The following GABRA3 variants were observed in gnomAD, a reference collection of about 807,000 sequenced individuals.
GABRA3 encodes the protein gamma-aminobutyric acid receptor subunit alpha-3.
A neutral mutation model predicts 30.1 loss-of-function variants in GABRA3; 10 were observed. The ratio of observed to expected loss-of-function variants is 0.33; its 90% CI spans 0.20 to 0.56. The LOEUF (loss-of-function observed/expected upper bound fraction) is 0.56. GABRA3 is among the 20% of genes least tolerant of loss of function. The probability of loss-of-function intolerance (pLI) is 0.89; values close to 1 mark genes in which losing one functional copy is unlikely to be tolerated. For synonymous variants in GABRA3, 151 were observed against 146.8 expected (o/e 1.03, Z -0.21); for missense variants, 233 against 392.0 (o/e 0.59, Z 3.42).
rs777436223 is a variant in GABRA3 at position 152,261,448 on chromosome X, AC to A, written c.331-5451del. Among the ~76,000 whole-genome samples the A allele has an allele frequency of 3.3e-3, 371 of 112,154 alleles. 4 individuals are homozygous for A. The highest frequency in any genetic ancestry group is 0.012 in the African/African-American group (356 of 30,847). On this transcript the variant is annotated intron_variant, in intron 4 of 9. Coordinates refer to ENST00000370314, the MANE Select transcript of GABRA3 (RefSeq NM_000808.4). Reference sequence around the variant, plus strand: ...TAAAATCAGAAGCAAGTTCGTTACTACCTGGATACAATGGGGGTACAGGCAT... The same window carrying A: ...TAAAATCAGAAGCAAGTTCGTTACTACTGGATACAATGGGGGTACAGGCAT...
intron 1 of GABRA3, among the ~76,000 whole-genome samples, chrX:152,434,350 GTT>G (rs779887084): frequency 5.4e-4 from 60 of 111,339 alleles, no homozygotes; most frequent in African/African-American, 1.9e-3. Flanking sequence ...AAGTTCTTCA[GTT>G]TTGAGACTCG....
intron 3 of GABRA3, among the ~76,000 whole-genome samples, chrX:152,301,879 A>G (rs1939637609): frequency 9.0e-6 from 1 of 111,237 alleles, no homozygotes; most frequent in Non-Finnish European, 1.9e-5. Flanking sequence ...TAACTGCAAC[A>G]TAAAGGTCAT....
chrX:152,388,541 C>G (rs1285787885), intron 1 of GABRA3, among the ~76,000 whole-genome samples: 1 of 112,050 alleles, frequency 8.9e-6, no homozygotes, highest in Non-Finnish European at 1.9e-5. Context: ...GAAGATATCA[C>G]TATTCCAAGA....
chrX:152,198,426 G>T (rs766388120), intron 7 of GABRA3, among the ~76,000 whole-genome samples: 2 of 112,675 alleles, frequency 1.8e-5, no homozygotes, highest in South Asian at 7.3e-4. Flanking sequence ...CTTTTACTGT[G>T]TGCCAAAATA....
intron 5 of GABRA3, among the ~76,000 whole-genome samples, chrX:152,241,091 C>T (rs1212600497): frequency 9.2e-6 from 1 of 108,625 alleles, no homozygotes. Flanking sequence ...TTAGAGTTTC[C>T]AGTTTTTCTG....
At chrX:152,400,855 G>T (rs1413584417) in intron 1 of GABRA3, among the ~76,000 whole-genome samples, 1 of 111,063 alleles carries the variant, frequency 9.0e-6, no homozygotes, top group Non-Finnish European at 1.9e-5. Context: ...AAGATGAAGG[G>T]ATCCCATGAT....
At chrX:152,304,733 C>T (rs957785620) in intron 3 of GABRA3, among the ~76,000 whole-genome samples, 47 of 111,825 alleles carry the variant, frequency 4.2e-4, no homozygotes, top group African/African-American at 1.5e-3. Flanking sequence ...TAATGTGATG[C>T]CTCCAGCTTT....
intron 1 of GABRA3, among the ~76,000 whole-genome samples, chrX:152,405,946 A>G (rs756211586): frequency 9.0e-6 from 1 of 111,528 alleles, no homozygotes; most frequent in African/African-American, 3.3e-5. Flanking sequence ...CTAACTCCAG[A>G]TAGCCCATCA....
At chrX:152,350,038 T>A (rs1258195211) in intron 2 of GABRA3, among the ~76,000 whole-genome samples, 18 of 84,279 alleles carry the variant, frequency 2.1e-4, no homozygotes, top group Non-Finnish European at 4.0e-4. Flanking sequence ...TATTCCAAAA[T>A]TGACCACATA....
intron 4 of GABRA3, among the ~76,000 whole-genome samples, chrX:152,273,774 T>G (rs1230571003): frequency 9.0e-6 from 1 of 111,204 alleles, no homozygotes; most frequent in Non-Finnish European, 1.9e-5. Context: ...TGATGATTAG[T>G]AGAGCAGGGG....
chrX:152,400,943 T>C (rs897964133), intron 1 of GABRA3, among the ~76,000 whole-genome samples: 4 of 111,504 alleles, frequency 3.6e-5, no homozygotes, highest in Non-Finnish European at 7.5e-5. Flanking sequence ...AGGACCTCAG[T>C]TTAACAACCA....
At chrX:152,323,269 T>C (rs963571822) in intron 3 of GABRA3, among the ~76,000 whole-genome samples, 7 of 111,780 alleles carry the variant, frequency 6.3e-5, no homozygotes, top group African/African-American at 3.3e-5. Flanking sequence ...AGCATGTTTT[T>C]TTGTTTGTTT....
chrX:152,381,566 A>G (rs1248507651), intron 1 of GABRA3, among the ~76,000 whole-genome samples: 1 of 111,107 alleles, frequency 9.0e-6, no homozygotes, highest in African/African-American at 3.3e-5. Context: ...TTTCTTTTTT[A>G]TTATGTATAC....
chrX:152,182,071 T>C (rs142313796), intron 9 of GABRA3, among the ~76,000 whole-genome samples: 194 of 109,887 alleles, frequency 1.8e-3, no homozygotes, highest in African/African-American at 6.2e-3. Context: ...TTGTAATTAG[T>C]TGAGAGGTTT....
chrX:152,197,946 G>GT (rs1181583072), intron 7 of GABRA3, among the ~76,000 whole-genome samples, 161 bp from the exon 8 acceptor site: 1 of 111,690 alleles, frequency 9.0e-6, no homozygotes, highest in Non-Finnish European at 1.9e-5. Context: ...AAAATAGTGT[G>GT]TTTTTTGTGT....
At chrX:152,365,324 A>G (rs1928627983) in intron 1 of GABRA3, among the ~76,000 whole-genome samples, 1 of 111,623 alleles carries the variant, frequency 9.0e-6, no homozygotes, top group South Asian at 3.8e-4. Flanking sequence ...GTTCCTTTAG[A>G]TAGGGGACAC....
intron 6 of GABRA3, among the ~76,000 whole-genome samples, chrX:152,223,142 G>T (rs1009504749): frequency 1.8e-5 from 2 of 111,526 alleles, no homozygotes; most frequent in Non-Finnish European, 3.8e-5. Flanking sequence ...TGCCCCCAGA[G>T]TTGAAAAAGC....
At chrX:152,295,500 A>G (rs753464687) in intron 3 of GABRA3, among the ~76,000 whole-genome samples, 8 of 113,113 alleles carry the variant, frequency 7.1e-5, no homozygotes, top group Non-Finnish European at 1.3e-4. Context: ...GGATCTGCTG[A>G]GCCAGGCATG....
chrX:152,326,075 G>T (rs1176015635), intron 3 of GABRA3, among the ~76,000 whole-genome samples: 2 of 111,220 alleles, frequency 1.8e-5, no homozygotes, highest in East Asian at 2.8e-4. Context: ...TTCAGTAGCC[G>T]ATTTGATCAA....
Sources: gnomAD v4.1 joint callset for allele counts (sites outside exome capture counted in the v4.1 genomes callset) on GRCh38, gnomAD v4.1.1 for gene constraint, MANE v1.5 for transcripts, NCBI Gene and HGNC (gene_info 2026-07-23, HGNC 2026-07-21) for gene names.